SMYD2: variants seen among roughly 807,000 people sequenced by gnomAD.
SMYD2 encodes the protein N-lysine methyltransferase SMYD2.
In SMYD2, 53 loss-of-function variants were observed where a neutral mutation model predicts 59.1. The observed-to-expected ratio is 0.90, with a 90% confidence interval of 0.72 to 1.13. The LOEUF (loss-of-function observed/expected upper bound fraction) is 1.13. Ranked by LOEUF, SMYD2 falls within the 50% of genes most tolerant of loss-of-function variation. The pLI is 0.00. For missense variants in SMYD2, 494 were observed against 544.7 expected (o/e 0.91, Z 0.93); for synonymous variants, 208 against 198.8 (o/e 1.05, Z -0.39).
intron 10 of SMYD2, chr1:214,332,872 G>A (rs530937156): frequency 6.6e-6 from 1 of 151,988 alleles, no homozygotes; most frequent in South Asian, 2.1e-4. Flanking sequence ...TCTTTTTAAA[G>A]GCACTGATAT....
intron 1 of SMYD2, among the ~76,000 whole-genome samples, chr1:214,288,928 A>G (rs1478923598): frequency 7.7e-6 from 1 of 130,270 alleles, no homozygotes; most frequent in Admixed American, 9.3e-5. Flanking sequence ...GGGCAGCATC[A>G]GCCCATAGTC....
At chr1:214,289,506 A>G (rs1656602230) in intron 1 of SMYD2, among the ~76,000 whole-genome samples, 1 of 152,166 alleles carries the variant, frequency 6.6e-6, no homozygotes, top group African/African-American at 2.4e-5. Flanking sequence ...TGAGGTAATC[A>G]TACTTCTGAG....
At chr1:214,298,909 T>C (rs1656775254) in intron 1 of SMYD2, among the ~76,000 whole-genome samples, 1 of 152,102 alleles carries the variant, frequency 6.6e-6, no homozygotes, top group South Asian at 2.1e-4. Context: ...TCCCAGCACT[T>C]TGGGAGGCTG....
At chr1:214,323,575 G>A (rs1348446765) in intron 5 of SMYD2, among the ~76,000 whole-genome samples, 1 of 152,016 alleles carries the variant, frequency 6.6e-6, no homozygotes, top group Non-Finnish European at 1.5e-5. Context: ...GGAACAGCTG[G>A]GATTACAGGT....
chr1:214,288,494 C>G (rs2102453107), intron 1 of SMYD2, among the ~76,000 whole-genome samples: 1 of 152,280 alleles, frequency 6.6e-6, no homozygotes, highest in East Asian at 1.9e-4. Context: ...TGTGGTTCAC[C>G]CAGGGACTTC....
At chr1:214,301,544 C>G (rs1656823341) in intron 1 of SMYD2, among the ~76,000 whole-genome samples, 2 of 141,722 alleles carry the variant, frequency 1.4e-5, no homozygotes, top group African/African-American at 5.5e-5. Flanking sequence ...AATATTACCA[C>G]TAGTCTCATC....
In SMYD2 at chr1:214,314,833, G is replaced by C; in HGVS notation, c.309G>C (p.Ser103=). 3 of 1,614,044 alleles carry C rather than the reference G, an allele frequency of 1.9e-6. No homozygotes were observed. In the South Asian group the frequency reaches 3.3e-5, roughly 18 times the overall value. The change falls in exon 3 of 12, where the codon TCG becomes TCC. Residue 103 remains serine (S), a synonymous_variant. Coordinates refer to ENST00000366957, the MANE Select transcript of SMYD2 (RefSeq NM_020197.3). Reference sequence around the variant, plus strand: ...TTTTTGGGGAAAACTGGAATCCCTCGGAGACTGTAAGACTAACAGCAAGGA... The same window carrying C: ...TTTTTGGGGAAAACTGGAATCCCTCCGAGACTGTAAGACTAACAGCAAGGA... ...MVVFGENWNP[S]ETVRLTARIL...
At chr1:214,282,631 G>C (rs891506633) in intron 1 of SMYD2, among the ~76,000 whole-genome samples, 1 of 152,060 alleles carries the variant, frequency 6.6e-6, no homozygotes, top group African/African-American at 2.4e-5. Context: ...ACAATAAGAC[G>C]TAGCAAAAGA....
At chr1:214,292,613 A>G (rs1302536647) in intron 1 of SMYD2, among the ~76,000 whole-genome samples, 1 of 152,216 alleles carries the variant, frequency 6.6e-6, no homozygotes, top group Non-Finnish European at 1.5e-5. Context: ...TTATCTTACT[A>G]GTGGCCCTTT....
chr1:214,326,338 C>G (rs1022513539), intron 6 of SMYD2, among the ~76,000 whole-genome samples: 2 of 151,912 alleles, frequency 1.3e-5, no homozygotes, highest in African/African-American at 4.8e-5. Context: ...GTTTTAGGGT[C>G]TTTGACTTAG....
At chr1:214,292,286 A>G (rs538452663) in intron 1 of SMYD2, among the ~76,000 whole-genome samples, 1 of 152,238 alleles carries the variant, frequency 6.6e-6, no homozygotes, top group South Asian at 2.1e-4. Flanking sequence ...GTCATCCTAA[A>G]TTGTTTATAG....
chr1:214,284,837 T>A (rs1558046436), intron 1 of SMYD2, among the ~76,000 whole-genome samples: 1 of 152,200 alleles, frequency 6.6e-6, no homozygotes, highest in African/African-American at 2.4e-5. Context: ...TAACCCCCAA[T>A]GTGATTTGTC....
At chr1:214,326,063 C>A (rs190395826) in intron 6 of SMYD2, among the ~76,000 whole-genome samples, 4 of 151,844 alleles carry the variant, frequency 2.6e-5, no homozygotes, top group African/African-American at 9.7e-5. Context: ...CATGGTGAAA[C>A]CCCGTCTCTA....
At chr1:214,292,850 TC>T (rs1203843252) in intron 1 of SMYD2, among the ~76,000 whole-genome samples, 7 of 152,246 alleles carry the variant, frequency 4.6e-5, no homozygotes, top group African/African-American at 1.7e-4. Context: ...TCTTCATTCT[TC>T]CTATTGTCTA....
rs1657021918 is a variant in SMYD2 at position 214,312,974 on chromosome 1, T to TTGGGGCTGCAG, written c.238-1787_238-1777dup. 6.6e-6 allele frequency among the ~76,000 whole-genome samples: 1 copy of TTGGGGCTGCAG among 152,158 alleles called. No homozygotes were observed. Among genetic ancestry groups the TTGGGGCTGCAG allele is most frequent in the Non-Finnish European group, 1.5e-5 (1 of 68,026 alleles). ...GGCAGGACATTAGTCATGAGAGATGTTGGGGCTGCAGCCGGGTAGAAAGGT... is the reference window on the plus strand; with the variant it reads ...GGCAGGACATTAGTCATGAGAGATGTTGGGGCTGCAGTGGGGCTGCAGCCGGGTAGAAAGGT... On this transcript the variant is annotated intron_variant, in intron 2 of 11. Transcript: ENST00000366957. The surrounding 1 kb of genome is among the most constrained non-coding windows in gnomAD (Gnocchi z 4.1).
chr1:214,281,492 C>T (rs1452959680), intron 1 of SMYD2, 65 bp downstream of exon 1: 40 of 1,229,420 alleles, frequency 3.3e-5, no homozygotes, highest in Non-Finnish European at 4.0e-5. Flanking sequence ...GCTTGGACGG[C>T]GGCGCCAGGA....
chr1:214,301,789 C>CAAAA (rs1656829056), intron 1 of SMYD2, among the ~76,000 whole-genome samples: 3 of 84,908 alleles, frequency 3.5e-5, no homozygotes, highest in African/African-American at 5.2e-5. Context: ...AAAAAAAAAG[C>CAAAA]CAGGAATTTT....
chr1:214,322,998 T>TC (rs1183481159), intron 5 of SMYD2, among the ~76,000 whole-genome samples: 1 of 152,112 alleles, frequency 6.6e-6, no homozygotes, highest in African/African-American at 2.4e-5. Flanking sequence ...TGGGGTGGAA[T>TC]CGTTCAGTGT....
intron 8 of SMYD2, 56 bp downstream of exon 8, chr1:214,330,334 T>G: frequency 8.2e-7 from 1 of 1,216,882 alleles, no homozygotes; most frequent in Non-Finnish European, 1.2e-6. Flanking sequence ...AGGACCTCTC[T>G]GCTGAAGAGC....
Sources: allele counts gnomAD v4.1 joint callset (sites outside exome capture counted in the v4.1 genomes callset), GRCh38; gene constraint gnomAD v4.1.1; non-coding constraint Gnocchi (gnomAD v3.1); transcripts MANE v1.5; gene names NCBI Gene and HGNC (gene_info 2026-07-23, HGNC 2026-07-21).